The following SNTG1 variants were observed in gnomAD, a reference collection of about 807,000 sequenced individuals.
SNTG1 encodes syntrophin gamma 1.
In SNTG1, 39 loss-of-function variants were observed where a neutral mutation model predicts 74.7. The observed-to-expected ratio is 0.52, with a 90% CI of 0.40 to 0.68. The LOEUF is 0.68. Among genes scored for constraint, SNTG1 ranks in the 30% least tolerant of loss-of-function variants. SNTG1 has a pLI of 0.00. For missense variants in SNTG1, 685 were observed against 609.5 expected (o/e 1.12, Z -1.30); for synonymous variants, 254 against 217.1 (o/e 1.17, Z -1.49).
chr8:50,412,832 T>C (rs948484556), intron 4 of SNTG1, among the ~76,000 whole-genome samples: 3 of 152,218 alleles, frequency 2.0e-5, no homozygotes, highest in African/African-American at 7.2e-5. Context: ...TGGGACATGT[T>C]TCCTGCAGGA....
intron 8 of SNTG1, chr8:50,458,291 T>C (rs2093526936): frequency 6.6e-6 from 1 of 151,204 alleles, no homozygotes; most frequent in African/African-American, 2.4e-5. Flanking sequence ...TGAAAATTAA[T>C]TTGTAAATGA....
At chr8:50,733,084 CT>C (rs1425791752) in intron 17 of SNTG1, among the ~76,000 whole-genome samples, 1 of 151,846 alleles carries the variant, frequency 6.6e-6, no homozygotes, top group Non-Finnish European at 1.5e-5. Context: ...AGACAACCCC[CT>C]CCCTACCCCT....
chr8:50,064,516 T>C (rs1311784835), intron 1 of SNTG1, among the ~76,000 whole-genome samples: 1 of 152,192 alleles, frequency 6.6e-6, no homozygotes, highest in Non-Finnish European at 1.5e-5. Context: ...CAATCCTTCA[T>C]CTGAAAGTTA....
intron 2 of SNTG1, among the ~76,000 whole-genome samples, chr8:50,384,605 C>A (rs1441053191): frequency 1.3e-5 from 2 of 152,152 alleles, no homozygotes; most frequent in East Asian, 3.9e-4. Context: ...GGGCACTCAG[C>A]AGTGGCTGTA....
At chr8:50,338,765 C>G (rs369269187) in intron 2 of SNTG1, among the ~76,000 whole-genome samples, 1 of 151,974 alleles carries the variant, frequency 6.6e-6, no homozygotes, top group South Asian at 2.1e-4. Context: ...GGAAACAGAA[C>G]CGTATACCCA....
chr8:50,472,915 A>C (rs1409297155), intron 8 of SNTG1, among the ~76,000 whole-genome samples: 1 of 152,208 alleles, frequency 6.6e-6, no homozygotes, highest in Non-Finnish European at 1.5e-5. Context: ...ATGGCCAAAA[A>C]AACATATGAA....
chr8:50,344,816 C>CCTAA (rs1471849735), intron 2 of SNTG1, among the ~76,000 whole-genome samples: 5 of 152,146 alleles, frequency 3.3e-5, no homozygotes, highest in African/African-American at 1.2e-4. Context: ...ACATCACAGC[C>CCTAA]CTAACCCCTA....
At chr8:50,198,562 ACACT>A (rs982828777) in intron 2 of SNTG1, among the ~76,000 whole-genome samples, 9 of 152,184 alleles carry the variant, frequency 5.9e-5, no homozygotes, top group Admixed American at 3.3e-4. Context: ...CAGGTGACAG[ACACT>A]CAGGAAGTTC....
intron 18 of SNTG1, among the ~76,000 whole-genome samples, chr8:50,767,796 T>C (rs925546915): frequency 6.6e-6 from 1 of 152,012 alleles, no homozygotes; most frequent in Non-Finnish European, 1.5e-5. Context: ...TTTATGTATA[T>C]GTATTTTTTC....
In SNTG1 at chr8:50,199,820, G is replaced by A. The variant is rs563505341; in HGVS notation, c.-28+27185G>A. Among the ~76,000 whole-genome samples, 195 of 152,244 alleles carry A rather than the reference G, an allele frequency of 1.3e-3. 1 individual carries two copies. The highest frequency in any genetic ancestry group is 2.0e-3 in the Admixed American group (30 of 15,270). ...AGAGAGTGCAAAATACTTCTTGCAC[G>A]TGGTTTCAGTTTCATCAGTGATTTG... On this transcript the variant is annotated intron_variant, in intron 2 of 18. Coordinates refer to ENST00000642720, the MANE Select transcript of SNTG1 (RefSeq NM_018967.5).
chr8:50,599,840 T>G (rs2094759871), intron 13 of SNTG1, among the ~76,000 whole-genome samples: 1 of 152,146 alleles, frequency 6.6e-6, no homozygotes, highest in Non-Finnish European at 1.5e-5. Context: ...CTTCCAGTAC[T>G]ATTTTGAGTA....
chr8:50,381,591 TG>T (rs1363451276), intron 2 of SNTG1, among the ~76,000 whole-genome samples: 1 of 137,974 alleles, frequency 7.2e-6, no homozygotes, highest in East Asian at 2.0e-4. Context: ...TGTGTGTGTG[TG>T]TATATATATA....
intron 1 of SNTG1, among the ~76,000 whole-genome samples, chr8:50,064,340 C>T (rs934853551): frequency 6.6e-6 from 1 of 152,160 alleles, no homozygotes; most frequent in African/African-American, 2.4e-5. Context: ...TTCACTCCTC[C>T]TTTCCAGCAG....
At chr8:50,117,120 C>T (rs946440470) in intron 1 of SNTG1, among the ~76,000 whole-genome samples, 1 of 151,744 alleles carries the variant, frequency 6.6e-6, no homozygotes, top group Non-Finnish European at 1.5e-5. Context: ...TAACATATTC[C>T]GTTCTTTCTG....
At chr8:50,275,447 T>A (rs1028466852) in intron 2 of SNTG1, among the ~76,000 whole-genome samples, 26 of 152,216 alleles carry the variant, frequency 1.7e-4, no homozygotes, top group African/African-American at 6.0e-4. Flanking sequence ...GCATATTAGT[T>A]TATATCTTTA....
At chr8:50,512,004 C>T (rs1461348781) in intron 9 of SNTG1, among the ~76,000 whole-genome samples, 3 of 151,906 alleles carry the variant, frequency 2.0e-5, no homozygotes, top group African/African-American at 7.2e-5. Context: ...CAGTTTCTTC[C>T]TAGCCTCGAT....
chr8:50,746,313 C>T (rs1001598248), intron 17 of SNTG1, among the ~76,000 whole-genome samples: 8 of 151,896 alleles, frequency 5.3e-5, no homozygotes, highest in African/African-American at 1.2e-4. Context: ...CCCAGCTGAA[C>T]GAACACACAC....
At chr8:50,268,612 G>C (rs1297423028) in intron 2 of SNTG1, among the ~76,000 whole-genome samples, 1 of 151,768 alleles carries the variant, frequency 6.6e-6, no homozygotes, top group Admixed American at 6.6e-5. Context: ...ACACAATTCA[G>C]TAGAGAACCT....
intron 1 of SNTG1, among the ~76,000 whole-genome samples, chr8:50,139,930 T>A (rs777710392): frequency 6.6e-5 from 10 of 152,228 alleles, no homozygotes; most frequent in Non-Finnish European, 2.9e-5. Flanking sequence ...CAGTTTAGAA[T>A]AGTCTTGCCA....
Sources: allele counts gnomAD v4.1 joint callset (sites outside exome capture counted in the v4.1 genomes callset), GRCh38; gene constraint gnomAD v4.1.1; transcripts MANE v1.5; gene names NCBI Gene and HGNC (gene_info 2026-07-23, HGNC 2026-07-21).